AGBL4: variants seen among roughly 807,000 people sequenced by gnomAD.
AGBL4 encodes AGBL carboxypeptidase 4, also known as cytosolic carboxypeptidase 6.
Under a neutral mutation model 66.4 loss-of-function variants are expected in AGBL4, and 58 were observed. That is an observed-to-expected ratio of 0.87 (90% CI 0.71 to 1.09). The LOEUF (loss-of-function observed/expected upper bound fraction) is 1.09, where lower values mean the gene tolerates loss of function less well. Ranked by LOEUF, AGBL4 falls within the 50% of genes least tolerant of loss-of-function variation. The pLI is 0.00. For synonymous variants in AGBL4, 234 were observed against 222.9 expected (o/e 1.05, Z -0.44); for missense variants, 579 against 631.0 (o/e 0.92, Z 0.88).
Position 48,689,812 on chromosome 1 carries a change from G to A in AGBL4, c.635-26571C>T, listed in dbSNP as rs374623450. Among the ~76,000 whole-genome samples, 177 of 152,294 alleles carry A rather than the reference G, an allele frequency of 1.2e-3. 2 individuals are homozygous for A. The South Asian group carries it at 0.034, about 29-fold the overall frequency. On this transcript the variant is annotated intron_variant, in intron 6 of 13. Coordinates refer to ENST00000371839, the MANE Select transcript of AGBL4 (RefSeq NM_032785.4). Reference sequence around the variant, plus strand: ...CCCAGCTACTTGAAAGGCTGAGGTGGGAGAATCACTTGAACGCAGGAGGCA... The same window carrying A: ...CCCAGCTACTTGAAAGGCTGAGGTGAGAGAATCACTTGAACGCAGGAGGCA...
intron 6 of AGBL4, among the ~76,000 whole-genome samples, chr1:48,716,178 C>T (rs1261975398): frequency 2.0e-5 from 3 of 152,180 alleles, no homozygotes; most frequent in Admixed American, 1.3e-4. Flanking sequence ...GGCTCTGAAA[C>T]ATGATTATCC....
At chr1:49,699,305 G>A (rs1647044494) in intron 2 of AGBL4, among the ~76,000 whole-genome samples, 2 of 151,962 alleles carry the variant, frequency 1.3e-5, no homozygotes, top group African/African-American at 4.8e-5. Context: ...TTCTTGTGAT[G>A]AGCATTCTCT....
At chr1:49,239,257 G>C (rs1444262572) in intron 4 of AGBL4, among the ~76,000 whole-genome samples, 2 of 152,072 alleles carry the variant, frequency 1.3e-5, no homozygotes, top group Admixed American at 6.6e-5. Flanking sequence ...AACTGATGCA[G>C]TGATAGACCA....
intron 3 of AGBL4, among the ~76,000 whole-genome samples, chr1:49,495,853 T>C (rs1018989450): frequency 6.6e-6 from 1 of 152,034 alleles, no homozygotes; most frequent in African/African-American, 2.4e-5. Context: ...TCAGACTACT[T>C]TTCCTGAACT....
chr1:49,957,642 T>C (rs887786543), intron 1 of AGBL4, among the ~76,000 whole-genome samples: 4 of 152,086 alleles, frequency 2.6e-5, no homozygotes, highest in African/African-American at 9.7e-5. Context: ...TTGATCTTTG[T>C]TGGTTTAAAG....
chr1:48,985,912 A>G (rs1225827946), intron 5 of AGBL4, among the ~76,000 whole-genome samples: 3 of 152,188 alleles, frequency 2.0e-5, no homozygotes, highest in African/African-American at 7.2e-5. Flanking sequence ...AAAGACATTG[A>G]CAGTTATTAT....
chr1:49,693,983 A>G (rs1200229262), intron 3 of AGBL4, among the ~76,000 whole-genome samples: 1 of 152,184 alleles, frequency 6.6e-6, no homozygotes, highest in African/African-American at 2.4e-5. Context: ...ACGGGTTAAT[A>G]TATCAGTCCT....
At chr1:49,872,333 T>C (rs1646857437) in intron 1 of AGBL4, among the ~76,000 whole-genome samples, 1 of 152,100 alleles carries the variant, frequency 6.6e-6, no homozygotes, top group African/African-American at 2.4e-5. Flanking sequence ...ACCTATTTTC[T>C]TTTATAATAG....
intron 6 of AGBL4, among the ~76,000 whole-genome samples, chr1:48,699,942 A>ATG (rs1261311577): frequency 6.7e-6 from 1 of 148,452 alleles, no homozygotes; most frequent in Non-Finnish European, 1.5e-5. Context: ...AATATACATT[A>ATG]TATATATATA....
chr1:49,830,206 T>C (rs1164287494), intron 2 of AGBL4, among the ~76,000 whole-genome samples: 6 of 152,170 alleles, frequency 3.9e-5, no homozygotes, highest in African/African-American at 1.2e-4. Flanking sequence ...TCTTCCACAA[T>C]GGTTGAACTA....
Position 49,467,349 on chromosome 1 carries a change from T to C in AGBL4, c.283-221485A>G, listed in dbSNP as rs758720692. Among the ~76,000 whole-genome samples, 25 of 151,880 alleles carry C rather than the reference T, an allele frequency of 1.6e-4. 1 individual carries two copies. The highest frequency in any genetic ancestry group is 3.2e-4 in the Non-Finnish European group (22 of 67,890). The stretch of plus-strand genomic sequence containing the variant: ...AAATGAACTATTCCAGCCTGGAGTA[T>C]TGTAAGAAATAAAAACTACTAAACT... On this transcript the variant is annotated intron_variant, in intron 3 of 13. Transcript: ENST00000371839.
At chr1:49,026,191 C>T (rs1249575919) in intron 5 of AGBL4, among the ~76,000 whole-genome samples, 2 of 152,104 alleles carry the variant, frequency 1.3e-5, no homozygotes, top group South Asian at 2.1e-4. Context: ...AATATCCTAC[C>T]ATTTTCCTGT....
intron 3 of AGBL4, among the ~76,000 whole-genome samples, chr1:49,285,078 C>T (rs191445437): frequency 5.3e-5 from 8 of 152,036 alleles, no homozygotes; most frequent in African/African-American, 9.7e-5. Context: ...ACATTTTTTT[C>T]AGCACACCAC....
At chr1:49,878,285 T>C (rs1456355195) in intron 1 of AGBL4, among the ~76,000 whole-genome samples, 5 of 150,294 alleles carry the variant, frequency 3.3e-5, no homozygotes, top group African/African-American at 1.2e-4. Flanking sequence ...CTGCTTTCTC[T>C]TGTGGGCATT....
chr1:49,507,059 A>T (rs140198915), intron 3 of AGBL4, among the ~76,000 whole-genome samples: 92 of 152,140 alleles, frequency 6.0e-4, no homozygotes, highest in African/African-American at 2.1e-3. Context: ...TCTCAAGAAG[A>T]TGTGGCAGCT....
Position 49,225,003 on chromosome 1 carries a change from G to A in AGBL4, c.377+20767C>T, listed in dbSNP as rs542131248. On this transcript the variant is annotated intron_variant, in intron 4 of 13. Coordinates refer to ENST00000371839, the MANE Select transcript of AGBL4 (RefSeq NM_032785.4). ...TTACACTTGTACATGTAATAAAAGAGCAGATAGTGGGAAAGTTATTAAAAG... is the reference window on the plus strand; with the variant it reads ...TTACACTTGTACATGTAATAAAAGAACAGATAGTGGGAAAGTTATTAAAAG... Among the ~76,000 whole-genome samples the A allele has an allele frequency of 9.8e-5, 15 of 152,294 alleles. No homozygotes were observed. In the South Asian group the frequency reaches 2.9e-3, roughly 29 times the overall value.
chr1:49,121,050 C>A (rs1459828246), intron 4 of AGBL4, among the ~76,000 whole-genome samples: 1 of 152,178 alleles, frequency 6.6e-6, no homozygotes, highest in East Asian at 1.9e-4. Flanking sequence ...TGGTTTTCAG[C>A]TCCATCAGGT....
intron 4 of AGBL4, among the ~76,000 whole-genome samples, chr1:49,116,922 G>A (rs12726166): frequency 1.5e-3 from 227 of 152,212 alleles, no homozygotes; most frequent in Non-Finnish European, 1.5e-3. Context: ...TCTAACTGGC[G>A]TAAGATGAAA....
chr1:49,521,862 C>A (rs758051553), intron 3 of AGBL4, among the ~76,000 whole-genome samples: 48 of 151,864 alleles, frequency 3.2e-4, no homozygotes, highest in Middle Eastern at 3.2e-3. Flanking sequence ...ATCAACAGAG[C>A]AAACAGACAA....
Sources: gnomAD v4.1 joint callset for allele counts (sites outside exome capture counted in the v4.1 genomes callset) on GRCh38, gnomAD v4.1.1 for gene constraint, MANE v1.5 for transcripts, NCBI Gene and HGNC (gene_info 2026-07-23, HGNC 2026-07-21) for gene names.